Variants in GALNT13 observed in about 807,000 individuals in gnomAD.
GALNT13 encodes polypeptide N-acetylgalactosaminyltransferase 13, also known as UDP-GalNAc:polypeptide N-acetylgalactosaminyltransferase 13.
GALNT13 carries 28 observed loss-of-function variants against 64.2 expected under a neutral mutation model. The ratio of observed to expected loss-of-function variants is 0.44; its 90% CI spans 0.32 to 0.60. The LOEUF is 0.60. Among genes scored for constraint, GALNT13 ranks in the 20% least tolerant of loss-of-function variants. GALNT13 has a pLI of 0.05. For missense variants in GALNT13, 577 were observed against 669.8 expected, an observed-to-expected ratio of 0.86 and a Z score of 1.53; for synonymous variants, 214 against 224.6, an observed-to-expected ratio of 0.95 and a Z score of 0.42.
chr2:153,206,424 A>G, the GALNT13 span, among the ~76,000 whole-genome samples: 47,181 of 151,820 alleles, frequency 0.31, 7,531 homozygotes, highest in Middle Eastern at 0.42. Flanking sequence ...TTAATTTTTA[A>G]TTTTGTGGAT....
intron 8 of GALNT13, among the ~76,000 whole-genome samples, chr2:154,276,117 A>T (rs139889232): frequency 1.3e-5 from 2 of 152,302 alleles, no homozygotes; most frequent in South Asian, 2.1e-4. Flanking sequence ...TTACAGGCTC[A>T]TAGGCAGAAA....
chr2:154,298,055 G>A (rs1460584579), intron 8 of GALNT13, among the ~76,000 whole-genome samples: 1 of 152,020 alleles, frequency 6.6e-6, no homozygotes, highest in East Asian at 1.9e-4. Context: ...GTAAATTTGA[G>A]ATTGTTGGCA....
At chr2:153,566,619 G>A in the GALNT13 span, among the ~76,000 whole-genome samples, 3 of 152,158 alleles carry the variant, frequency 2.0e-5, no homozygotes, top group South Asian at 6.2e-4. Context: ...TTCCCAAAGT[G>A]CTGGGATTAC....
At chr2:153,777,116 A>G in the GALNT13 span, among the ~76,000 whole-genome samples, 1 of 150,148 alleles carries the variant, frequency 6.7e-6, no homozygotes, top group Non-Finnish European at 1.5e-5. Flanking sequence ...TACTGAAAAG[A>G]CATAGCTATA....
chr2:153,527,871 T>C, the GALNT13 span, among the ~76,000 whole-genome samples: 1 of 152,072 alleles, frequency 6.6e-6, no homozygotes, highest in Non-Finnish European at 1.5e-5. Flanking sequence ...AAATAGTGGT[T>C]TGTAAGATAG....
intron 10 of GALNT13, among the ~76,000 whole-genome samples, chr2:154,406,250 C>G (rs1198689928): frequency 6.6e-6 from 1 of 152,044 alleles, no homozygotes; most frequent in Non-Finnish European, 1.5e-5. Context: ...GACCTTCCAC[C>G]CCCATTGTTA....
chr2:153,910,041 G>A (rs555281499), intron 2 of GALNT13, among the ~76,000 whole-genome samples: 21 of 151,184 alleles, frequency 1.4e-4, no homozygotes, highest in East Asian at 5.8e-4. Flanking sequence ...AGACTTTGTC[G>A]GTGAATCCTT....
chr2:154,400,439 G>T (rs888165626), intron 10 of GALNT13, among the ~76,000 whole-genome samples: 3 of 151,954 alleles, frequency 2.0e-5, no homozygotes, highest in African/African-American at 7.2e-5. Context: ...CTGTGTATTG[G>T]TGAATATAAA....
intron 3 of GALNT13, among the ~76,000 whole-genome samples, chr2:153,967,596 T>A (rs1693459999): frequency 6.6e-6 from 1 of 151,552 alleles, no homozygotes; most frequent in Admixed American, 6.6e-5. Context: ...GCAAAAGGAG[T>A]TTTTCTCCAT....
At chr2:154,339,402 ATAGTGGGTGTACTTTAGGT>A (rs1695630574) in intron 9 of GALNT13, among the ~76,000 whole-genome samples, 2 of 152,248 alleles carry the variant, frequency 1.3e-5, no homozygotes, top group South Asian at 4.1e-4. Flanking sequence ...ACTCAAAAAA[ATAGTGGGTGTACTTTAGGT>A]TAGAATTAAC....
chr2:154,001,704 G>C (rs1277246877), intron 3 of GALNT13, among the ~76,000 whole-genome samples: 1 of 151,782 alleles, frequency 6.6e-6, no homozygotes, highest in African/African-American at 2.4e-5. Flanking sequence ...TGGTTTACAG[G>C]CCACAATTAC....
At chr2:154,014,649 T>TTTTTTTTTTTTTTTTTTTC (rs1395681522) in intron 3 of GALNT13, among the ~76,000 whole-genome samples, 1 of 139,318 alleles carries the variant, frequency 7.2e-6, no homozygotes, top group Admixed American at 7.4e-5. Context: ...TTTTTTTTTT[T>TTTTTTTTTTTTTTTTTTTC]TGAGACGGAG....
the GALNT13 span, among the ~76,000 whole-genome samples, chr2:153,388,551 AT>A: frequency 2.0e-5 from 3 of 152,084 alleles, no homozygotes; most frequent in African/African-American, 7.2e-5. Context: ...AAAAGCTTTT[AT>A]TAGAACTTCT....
the GALNT13 span, among the ~76,000 whole-genome samples, chr2:153,833,768 C>T: frequency 6.6e-6 from 1 of 151,970 alleles, no homozygotes; most frequent in Non-Finnish European, 1.5e-5. Context: ...TATTGCCAAC[C>T]CCTGTTTTAG....
At chr2:153,806,291 A>G in the GALNT13 span, among the ~76,000 whole-genome samples, 1 of 152,080 alleles carries the variant, frequency 6.6e-6, no homozygotes, top group African/African-American at 2.4e-5. Flanking sequence ...CCACTAGCCA[A>G]AGATAGAATA....
intron 4 of GALNT13, among the ~76,000 whole-genome samples, chr2:154,169,925 C>A (rs1685260523): frequency 6.6e-6 from 1 of 151,982 alleles, no homozygotes; most frequent in Admixed American, 6.6e-5. Flanking sequence ...CCAGTTACAT[C>A]CAGAGTTCTA....
chr2:153,480,689 G>C, the GALNT13 span, among the ~76,000 whole-genome samples: 1 of 152,002 alleles, frequency 6.6e-6, no homozygotes, highest in African/African-American at 2.4e-5. Flanking sequence ...ACAAATTTAA[G>C]GCAATATAAA....
the GALNT13 span, among the ~76,000 whole-genome samples, chr2:153,505,556 G>A: frequency 6.6e-6 from 1 of 152,028 alleles, no homozygotes; most frequent in Non-Finnish European, 1.5e-5. Flanking sequence ...GATGGGTTGT[G>A]TCACTATTAT....
intron 3 of GALNT13, among the ~76,000 whole-genome samples, chr2:154,106,758 T>C (rs1001745877): frequency 3.9e-5 from 6 of 152,050 alleles, no homozygotes; most frequent in African/African-American, 1.4e-4. Flanking sequence ...TGATAATTTA[T>C]AATTATATAT....
Sources: gnomAD v4.1 joint callset for allele counts (sites outside exome capture counted in the v4.1 genomes callset) on GRCh38, gnomAD v4.1.1 for gene constraint, MANE v1.5 for transcripts, NCBI Gene and HGNC (gene_info 2026-07-23, HGNC 2026-07-21) for gene names.